Variants in MINAR1 observed in about 807,000 individuals in gnomAD.
MINAR1 encodes major intrinsically disordered Notch2-binding receptor 1.
A neutral mutation model predicts 65.1 loss-of-function variants in MINAR1; 40 were observed. That is an observed-to-expected ratio of 0.61 (90% confidence interval 0.48 to 0.80). The LOEUF (loss-of-function observed/expected upper bound fraction) is 0.80, where lower values mean the gene tolerates loss of function less well. Ranked by LOEUF, MINAR1 falls within the 30% of genes least tolerant of loss-of-function variation. The probability of loss-of-function intolerance (pLI) is 0.00; values close to 1 mark genes in which losing one functional copy is unlikely to be tolerated. For synonymous variants in MINAR1, 482 were observed against 449.1 expected (o/e 1.07, Z -0.93); for missense variants, 1,128 against 1,148.0 (o/e 0.98, Z 0.25).
At chr15:79,416,690 T>A in the MINAR1 span, 1 of 152,104 alleles carries the variant, frequency 6.6e-6, no homozygotes, top group Admixed American at 6.5e-5. Context: ...TGAGACTAAA[T>A]CTAACAATCG....
At chr15:79,430,357 A>C (rs1894408718), upstream of MINAR1, among the ~76,000 whole-genome samples, 1 of 152,124 alleles carries the variant, frequency 6.6e-6, no homozygotes, top group African/African-American at 2.4e-5. Context: ...AACAGGAAAG[A>C]AGAACTCAAA....
chr15:79,447,252 C>T (rs1895051099), intron 1 of MINAR1, among the ~76,000 whole-genome samples: 1 of 152,174 alleles, frequency 6.6e-6, no homozygotes, highest in African/African-American at 2.4e-5. Context: ...TTAGACCTAT[C>T]TTCCAGTTCA....
At chr15:79,422,896 C>T in the MINAR1 span, 1 of 152,174 alleles carries the variant, frequency 6.6e-6, no homozygotes, top group South Asian at 2.1e-4. Context: ...TTGGTGTAAC[C>T]TCAAGGGAAG....
In MINAR1 at chr15:79,446,650, G is replaced by A. The variant is rs561271963; in HGVS notation, c.-50-9448G>A. On this transcript the variant is annotated intron_variant, in intron 1 of 3. Coordinates refer to ENST00000305428, the MANE Select transcript of MINAR1 (RefSeq NM_015206.3). The stretch of plus-strand genomic sequence containing the variant: ...GTATTCTTTAGTTTCAATATGATGT[G>A]TTTAGGTATCTAAGGGTGAGTTCAT... 2.0e-5 allele frequency among the ~76,000 whole-genome samples: 3 copies of A among 152,028 alleles called. No individual in the cohort carries two copies. The South Asian group carries it at 6.2e-4, about 32-fold the overall frequency.
chr15:79,458,861 T>C (rs912963398), intron 2 of MINAR1, among the ~76,000 whole-genome samples: 1 of 152,232 alleles, frequency 6.6e-6, no homozygotes, highest in Admixed American at 6.5e-5. Flanking sequence ...ATCTTTTTCA[T>C]GGACTTCATT....
intron 1 of MINAR1, among the ~76,000 whole-genome samples, chr15:79,440,420 C>T (rs1236298623): frequency 6.6e-6 from 1 of 152,148 alleles, no homozygotes; most frequent in Non-Finnish European, 1.5e-5. Flanking sequence ...AACTGCCCTT[C>T]GAAAGTGGAT....
intron 1 of MINAR1, among the ~76,000 whole-genome samples, chr15:79,445,973 TATG>T (rs1895008371): frequency 6.6e-6 from 1 of 152,252 alleles, no homozygotes; most frequent in South Asian, 2.1e-4. Context: ...TTTATTGTAA[TATG>T]ATGTATTTTG....
chr15:79,426,174 C>G, the MINAR1 span: 2 of 153,200 alleles, frequency 1.3e-5, no homozygotes, highest in African/African-American at 4.8e-5. Flanking sequence ...CTGAAGGAAA[C>G]TGGGGGAGTT....
At chr15:79,462,959 C>T in intron 2 of MINAR1, 108 bp from the exon 3 acceptor site, 1 of 1,228,348 alleles carries the variant, frequency 8.1e-7, no homozygotes, top group Non-Finnish European at 1.1e-6. Flanking sequence ...GAAGTAACTG[C>T]ACTTTGCTAC....
chr15:79,425,037 T>TG, the MINAR1 span: 1 of 128,562 alleles, frequency 7.8e-6, no homozygotes, highest in African/African-American at 2.5e-5. Context: ...TGTTTGTTTG[T>TG]GTTTTTTTTT....
rs35438002 is a variant in MINAR1, at chr15:79,468,916, G to A, written c.*532G>A. 1.5e-3 allele frequency: 242 copies of A among 160,906 alleles called. 1 individual carries two copies. Among genetic ancestry groups the A allele is most frequent in the Non-Finnish European group, 2.9e-3 (207 of 72,392 alleles). The allele number at this position is 160,906 out of a possible 1,614,324, so 10.0% of individuals were successfully genotyped here. ...TCGACTTTTATCAAGGGCTACTGACGTTTCATTCTTGCCCTTTTGTCATCA... is the reference window on the plus strand; with the variant it reads ...TCGACTTTTATCAAGGGCTACTGACATTTCATTCTTGCCCTTTTGTCATCA... On this transcript the variant is annotated 3_prime_UTR_variant, in exon 4 of 4. Coordinates refer to ENST00000305428, the MANE Select transcript of MINAR1 (RefSeq NM_015206.3).
Position 79,463,310 on chromosome 15 carries a change from C to G in MINAR1, c.2542C>G (p.Leu848Val). The change falls in exon 3 of 4, where the codon CTG becomes GTG. Residue 848 changes from leucine (L) to valine (V), a missense_variant. Leu to Val is a conservative substitution (Grantham distance 32). Transcript: ENST00000305428. ...GGGCGACAAGGGCAAGCTGACAGCCCTGGACCTGCAGGTGAGCCTCTCACT... is the reference window on the plus strand; with the variant it reads ...GGGCGACAAGGGCAAGCTGACAGCCGTGGACCTGCAGGTGAGCCTCTCACT... ...NAGDKGKLTALDLQTQESLNP... is the reference protein window; with the variant it reads ...NAGDKGKLTAVDLQTQESLNP... 6.2e-7 allele frequency: 1 copy of G among 1,612,544 alleles called. No homozygotes were observed. Among genetic ancestry groups the G allele is most frequent in the African/African-American group, 1.3e-5 (1 of 74,862 alleles).
Position 79,456,759 on chromosome 15 carries a change from C to T in MINAR1, c.612C>T (p.Thr204=), listed in dbSNP as rs1337560767. ...RLQALAPYSV[T]SPQPCEMQRT... ...AGGCCCTGGCTCCGTACTCTGTGAC[C>T]AGCCCTCAGCCCTGTGAGATGCAGA... The change falls in exon 2 of 4, where the codon ACC becomes ACT. Residue 204 remains threonine, a synonymous_variant. Transcript: ENST00000305428. 1 of 1,614,166 alleles carries T rather than the reference C, an allele frequency of 6.2e-7. No homozygotes were observed. The highest frequency in any genetic ancestry group is 2.2e-5 in the East Asian group (1 of 44,868).
chr15:79,456,167 C>T lies in MINAR1; in HGVS notation c.20C>T (p.Thr7Ile). The T allele has an allele frequency of 2.5e-6, 4 of 1,613,452 alleles. No individual in the cohort carries two copies. Among genetic ancestry groups the T allele is most frequent in the Non-Finnish European group, 3.4e-6 (4 of 1,179,466 alleles). METSQE[T>I]SLFLVKILEE... ...TAAATCATGGAGACCAGTCAGGAAACTTCCCTCTTCTTGGTGAAGATCTTG... is the reference window on the plus strand; with the variant it reads ...TAAATCATGGAGACCAGTCAGGAAATTTCCCTCTTCTTGGTGAAGATCTTG... The change falls in exon 2 of 4, where the codon ACT (threonine) becomes ATT (isoleucine). Residue 7 changes from threonine (T) to isoleucine (I), a missense_variant. Transcript: ENST00000305428.
chr15:79,450,885 ACAGCTGTTATTTGTTGAAT>A (rs1895170665), intron 1 of MINAR1, among the ~76,000 whole-genome samples: 2 of 152,172 alleles, frequency 1.3e-5, no homozygotes, highest in Admixed American at 6.5e-5. Flanking sequence ...TCCATGAGTG[ACAGCTGTTATTTGTTGAAT>A]GCCTGTCACA....
the MINAR1 span, chr15:79,422,542 C>G: frequency 1.4e-5 from 2 of 145,984 alleles, no homozygotes; most frequent in Admixed American, 6.9e-5. Context: ...GAGTGAAACT[C>G]TGTCTCCAAA....
Position 79,456,805 on chromosome 15 carries a change from A to G in MINAR1, c.658A>G (p.Ile220Val). The change falls in exon 2 of 4, where the codon ATC becomes GTC. Residue 220 changes from isoleucine to valine, a missense_variant. Physicochemically the swap from Ile to Val is conservative, Grantham distance 29. Transcript: ENST00000305428. ...EMQRTYFPMN[I>V]ENESISDQDS... ...GCAGAGGACCTACTTCCCCATGAAC[A>G]TCGAAAACGAGTCCATTTCAGACCA... 3 of 1,614,196 alleles carry G rather than the reference A, an allele frequency of 1.9e-6. No individual in the cohort carries two copies. Among genetic ancestry groups the G allele is most frequent in the African/African-American group, 1.3e-5 (1 of 75,044 alleles).
At chr15:79,442,109 T>C (rs1180674368) in intron 1 of MINAR1, among the ~76,000 whole-genome samples, 3 of 151,740 alleles carry the variant, frequency 2.0e-5, no homozygotes, top group African/African-American at 7.2e-5. Flanking sequence ...TTTTTATCTA[T>C]CCAAACCTAT....
chr15:79,465,850 T>A (rs1895828467), intron 3 of MINAR1, among the ~76,000 whole-genome samples: 1 of 151,990 alleles, frequency 6.6e-6, no homozygotes, highest in Non-Finnish European at 1.5e-5. Context: ...AAATATGCCC[T>A]TTAGTGCCTA....
Sources: allele counts gnomAD v4.1 joint callset (sites outside exome capture counted in the v4.1 genomes callset), GRCh38; gene constraint gnomAD v4.1.1; transcripts MANE v1.5; gene names NCBI Gene and HGNC (gene_info 2026-07-23, HGNC 2026-07-21).